NT5E: variants seen among roughly 807,000 people sequenced by gnomAD.
NT5E encodes the protein 5'-nucleotidase.
Under a neutral mutation model 55.1 loss-of-function variants are expected in NT5E, and 53 were observed. That is an observed-to-expected ratio of 0.96 (90% CI 0.77 to 1.21). The LOEUF is 1.21. Among genes scored for constraint, NT5E ranks in the 50% most tolerant of loss-of-function variants. The probability of loss-of-function intolerance (pLI) is 0.00; values close to 1 mark genes in which losing one functional copy is unlikely to be tolerated. For missense variants in NT5E, 683 were observed against 724.3 expected (o/e 0.94, Z 0.65); for synonymous variants, 270 against 278.4 (o/e 0.97, Z 0.30).
intron 1 of NT5E, among the ~76,000 whole-genome samples, chr6:85,462,695 G>T (rs1026358297): frequency 3.3e-5 from 5 of 152,212 alleles, no homozygotes; most frequent in Non-Finnish European, 1.5e-5. Flanking sequence ...CACTCCACCT[G>T]CTGCTTTTAA....
At chr6:85,458,467 T>C (rs1432968158) in intron 1 of NT5E, among the ~76,000 whole-genome samples, 1 of 152,202 alleles carries the variant, frequency 6.6e-6, no homozygotes, top group Non-Finnish European at 1.5e-5. Flanking sequence ...CAGCTCATCT[T>C]GTCCTCGTAC....
intron 3 of NT5E, among the ~76,000 whole-genome samples, chr6:85,480,756 G>A (rs1769530526): frequency 6.6e-6 from 1 of 152,148 alleles, no homozygotes; most frequent in Non-Finnish European, 1.5e-5. Flanking sequence ...GTGTGTTAAA[G>A]ATACTAATAG....
At chr6:85,491,887 C>T (rs1394197069) in intron 7 of NT5E, 90 bp from the exon 8 acceptor site, 5 of 1,117,270 alleles carry the variant, frequency 4.5e-6, no homozygotes, top group South Asian at 1.2e-5. Flanking sequence ...ACCACAGCCC[C>T]ATGCCCCAAT....
chr6:85,470,321 T>C (rs1322572316), intron 2 of NT5E, among the ~76,000 whole-genome samples: 1 of 152,166 alleles, frequency 6.6e-6, no homozygotes, highest in Non-Finnish European at 1.5e-5. Context: ...AAGGCTATCG[T>C]TTGTTACCAC....
chr6:85,467,047 CTGTTT>C lies in NT5E; in HGVS notation c.340-11_340-7del, dbSNP rs1554200133. 18 of 1,610,606 alleles carry C rather than the reference CTGTTT, an allele frequency of 1.1e-5. No individual in the cohort carries two copies. The highest frequency in any genetic ancestry group is 1.4e-5 in the Non-Finnish European group (17 of 1,176,954). ...AAGCACCTAATTCTTTTTCTCTTTT[CTGTTT>C]TATCTAGGCACTGGGAAATCATGAA... On this transcript the variant is annotated splice_region_variant and splice_polypyrimidine_tract_variant and intron_variant, in intron 1 of 8. Coordinates refer to ENST00000257770, the MANE Select transcript of NT5E (RefSeq NM_002526.4).
intron 3 of NT5E, 110 bp from the exon 4 acceptor site, chr6:85,485,125 T>C (rs1477938203): frequency 2.9e-6 from 3 of 1,031,892 alleles, no homozygotes; most frequent in Non-Finnish European, 4.4e-6. Flanking sequence ...GAGCAACAGA[T>C]GGCAAATCAT....
intron 1 of NT5E, among the ~76,000 whole-genome samples, chr6:85,456,603 A>G (rs1414252449): frequency 6.6e-6 from 1 of 152,198 alleles, no homozygotes; most frequent in Non-Finnish European, 1.5e-5. Context: ...TCCCAGCTAC[A>G]TAGGGAAATC....
chr6:85,468,550 G>A (rs1267999250), intron 2 of NT5E, among the ~76,000 whole-genome samples: 1 of 152,162 alleles, frequency 6.6e-6, no homozygotes, highest in Non-Finnish European at 1.5e-5. Context: ...CACAGTGCCT[G>A]GCATATGATA....
intron 1 of NT5E, among the ~76,000 whole-genome samples, chr6:85,454,911 C>T (rs188410601): frequency 2.6e-4 from 39 of 152,262 alleles, no homozygotes; most frequent in African/African-American, 8.4e-4. Context: ...CATATTTGAA[C>T]AACTGGAGCC....
intron 3 of NT5E, among the ~76,000 whole-genome samples, chr6:85,477,429 G>T (rs1769459851): frequency 6.6e-6 from 1 of 152,038 alleles, no homozygotes; most frequent in African/African-American, 2.4e-5. Flanking sequence ...TGTATCTAAA[G>T]AAATAATTTT....
Position 85,490,557 on chromosome 6 carries a change from A to C in NT5E, c.1260A>C (p.Thr420=), listed in dbSNP as rs1769760634. 6.2e-7 allele frequency: 1 copy of C among 1,614,090 alleles called. No individual in the cohort carries two copies. Among genetic ancestry groups the C allele is most frequent in the African/African-American group, 1.3e-5 (1 of 74,930 alleles). The part of the protein sequence containing the change: ...NLAAVLPFGG[T]FDLVQLKGST... ...CTGCTGTATTGCCCTTTGGAGGCACATTTGACCTAGTCCAGTTAAAAGGTT... is the reference window on the plus strand; with the variant it reads ...CTGCTGTATTGCCCTTTGGAGGCACCTTTGACCTAGTCCAGTTAAAAGGTT... Residue 420 remains threonine (T), a synonymous_variant, in exon 7 of 9, where the codon ACA becomes ACC. Coordinates refer to ENST00000257770, the MANE Select transcript of NT5E (RefSeq NM_002526.4).
rs555234285 is a variant in NT5E at position 85,460,934 on chromosome 6, G to C, written c.340-6126G>C. On this transcript the variant is annotated intron_variant, in intron 1 of 8. Coordinates refer to ENST00000257770, the MANE Select transcript of NT5E (RefSeq NM_002526.4). ...ACACAGAGGTCAGTGGATATCCTGC[G>C]GTCTTCCATTAAGGCCTCTTACTAT... Among the ~76,000 whole-genome samples, 16 of 152,132 alleles carry C rather than the reference G, an allele frequency of 1.1e-4. No individual in the cohort carries two copies. In the South Asian group the frequency reaches 3.3e-3, roughly 32 times the overall value.
Position 85,450,101 on chromosome 6 carries a change from G to A in NT5E, c.-39G>A, listed in dbSNP as rs1429877092. ...CGCCCCTACTCGCCGGCACTCGCCC[G>A]GCTCGCCCGCTTTCGCACCCAGTTC... On this transcript the variant is annotated 5_prime_UTR_variant, in exon 1 of 9. Coordinates refer to ENST00000257770, the MANE Select transcript of NT5E (RefSeq NM_002526.4). The surrounding 1 kb of genome is among the most constrained non-coding windows in gnomAD (Gnocchi z 4.0). 1 of 1,513,974 alleles carries A rather than the reference G, an allele frequency of 6.6e-7. No individual in the cohort carries two copies. The highest frequency in any genetic ancestry group is 8.9e-7 in the Non-Finnish European group (1 of 1,127,594). 93.8% of individuals were successfully genotyped at this position (1,513,974 alleles called of 1,614,324 possible). A position where few individuals can be genotyped will look rare whatever the true frequency, so the allele number is the denominator to read the frequency against.
At chr6:85,479,453 C>T (rs1241244817) in intron 3 of NT5E, among the ~76,000 whole-genome samples, 1 of 152,176 alleles carries the variant, frequency 6.6e-6, no homozygotes, top group Non-Finnish European at 1.5e-5. Flanking sequence ...TTCCAGATGA[C>T]CTCCAGGTTC....
Position 85,490,656 on chromosome 6 carries a change from C to T in NT5E, c.1359C>T (p.Gly453=), listed in dbSNP as rs761625635. Residue 453 remains glycine (G), a splice_region_variant and synonymous_variant, in exon 7 of 9, where the codon GGC becomes GGT. Transcript: ENST00000257770. ...CCACTGGAGAGTTCCTGCAGGTGGG[C>T]GGTAAGTCACCCATCCTGTAGGGCT... The part of the protein sequence containing the change: ...GQSTGEFLQV[G]GIHVVYDLSR... 1.5e-5 allele frequency: 24 copies of T among 1,613,806 alleles called. No individual in the cohort carries two copies. The highest frequency in any genetic ancestry group is 5.0e-5 in the Admixed American group (3 of 60,014).
chr6:85,457,714 G>T (rs995711873), intron 1 of NT5E, among the ~76,000 whole-genome samples: 1 of 152,102 alleles, frequency 6.6e-6, no homozygotes. Flanking sequence ...AGTCTTTGGG[G>T]CTCATTTATT....
intron 8 of NT5E, among the ~76,000 whole-genome samples, chr6:85,493,630 T>C (rs1204351765): frequency 1.3e-5 from 2 of 152,140 alleles, no homozygotes; most frequent in East Asian, 3.9e-4. Context: ...CTTCCCCCAA[T>C]TACCCAATAT....
chr6:85,493,634 C>T (rs1230422714), intron 8 of NT5E, among the ~76,000 whole-genome samples: 1 of 152,088 alleles, frequency 6.6e-6, no homozygotes. Flanking sequence ...CCCCAATTAC[C>T]CAATATTGAA....
At chr6:85,490,213 A>C (rs1454470942) in intron 6 of NT5E, among the ~76,000 whole-genome samples, 1 of 152,220 alleles carries the variant, frequency 6.6e-6, no homozygotes, top group Non-Finnish European at 1.5e-5. Flanking sequence ...AATGCAAAAC[A>C]AACTACTGGA....
Sources: gnomAD v4.1 joint callset for allele counts (sites outside exome capture counted in the v4.1 genomes callset) on GRCh38, gnomAD v4.1.1 for gene constraint, Gnocchi (gnomAD v3.1) non-coding constraint, MANE v1.5 for transcripts, NCBI Gene and HGNC (gene_info 2026-07-23, HGNC 2026-07-21) for gene names.